Variants in TMTC2 observed in about 807,000 individuals in gnomAD.
TMTC2 encodes the protein transmembrane O-mannosyltransferase targeting cadherins 2, also known as protein O-mannosyl-transferase TMTC2.
TMTC2 carries 43 observed loss-of-function variants against 82.4 expected under a neutral mutation model. The ratio of observed to expected loss-of-function variants is 0.52; its 90% CI spans 0.41 to 0.67. The LOEUF (loss-of-function observed/expected upper bound fraction) is 0.67. Among genes scored for constraint, TMTC2 ranks in the 30% least tolerant of loss-of-function variants. TMTC2 has a pLI of 0.00. For missense variants in TMTC2, 919 were observed against 1,012.4 expected (o/e 0.91, Z 1.25); for synonymous variants, 408 against 381.9 (o/e 1.07, Z -0.80).
rs1428024130 is a variant in TMTC2, at chr12:82,687,154, C to A, written c.-433C>A. The A allele has an allele frequency of 5.8e-6, 1 of 173,420 alleles. No homozygotes were observed. The highest frequency in any genetic ancestry group is 1.2e-5 in the Non-Finnish European group (1 of 80,728). 10.7% of individuals were successfully genotyped at this position (173,420 alleles called of 1,614,324 possible). On this transcript the variant is annotated 5_prime_UTR_variant, in exon 1 of 12. Transcript: ENST00000321196. The stretch of plus-strand genomic sequence containing the variant: ...CTTTCTCTCTCTTCCTCCAGCTGGT[C>A]CCAGAGCCCGGCTTGGTCCGGTCCC...
At chr12:82,966,816 C>A in intron 6 of TMTC2, 103 bp from the exon 7 acceptor site, 1 of 721,706 alleles carries the variant, frequency 1.4e-6, no homozygotes, top group Non-Finnish European at 2.2e-6. Context: ...TTAGAAATAG[C>A]AGTGGATGGT....
intron 10 of TMTC2, 107 bp from the exon 11 acceptor site, chr12:83,061,661 G>T: frequency 2.2e-6 from 2 of 895,952 alleles, no homozygotes; most frequent in Non-Finnish European, 3.2e-6. Context: ...TTTATTGTTT[G>T]GTGTGACCAG....
chr12:82,759,541 G>A (rs1876501084), intron 1 of TMTC2: 1 of 152,184 alleles, frequency 6.6e-6, no homozygotes, highest in African/African-American at 2.4e-5. Flanking sequence ...TCTCTGATGT[G>A]ATTAATTCAT....
At chr12:83,075,276 G>T (rs182931303) in intron 11 of TMTC2, among the ~76,000 whole-genome samples, 1 of 152,274 alleles carries the variant, frequency 6.6e-6, no homozygotes, top group Non-Finnish European at 1.5e-5. Flanking sequence ...GGGTCTGTGG[G>T]TCCTCTCAGG....
chr12:83,047,414 G>A (rs764965115), intron 9 of TMTC2, among the ~76,000 whole-genome samples: 5 of 151,990 alleles, frequency 3.3e-5, no homozygotes, highest in Non-Finnish European at 7.4e-5. Flanking sequence ...ATCAGTTCTC[G>A]GCTATATTTC....
intron 1 of TMTC2, among the ~76,000 whole-genome samples, chr12:82,833,004 G>A (rs1869834558): frequency 6.6e-6 from 1 of 152,188 alleles, no homozygotes; most frequent in African/African-American, 2.4e-5. Flanking sequence ...ATCCAAGATG[G>A]TGTCAGACTA....
chr12:82,942,846 A>G (rs1876793443), intron 4 of TMTC2, among the ~76,000 whole-genome samples: 1 of 149,498 alleles, frequency 6.7e-6, no homozygotes, highest in Admixed American at 6.6e-5. Context: ...TTTTATTTAG[A>G]AAAAAAAACA....
intron 11 of TMTC2, among the ~76,000 whole-genome samples, chr12:83,129,566 A>C (rs920246286): frequency 6.6e-6 from 1 of 152,186 alleles, no homozygotes. Context: ...AGGTCTATTT[A>C]TGTGGCATGA....
rs368129550 is a variant in TMTC2, at chr12:82,890,464, A to C, written c.655-5354A>C. On this transcript the variant is annotated intron_variant, in intron 2 of 11. Coordinates refer to ENST00000321196, the MANE Select transcript of TMTC2 (RefSeq NM_152588.3). ...CAGAGCCTGAGAAGGATAATTATTT[A>C]TGTTTTGTTATGGTTTGCTTGTTTA... 1.0e-3 allele frequency among the ~76,000 whole-genome samples: 155 copies of C among 152,254 alleles called. 5 individuals are homozygous for C. In the South Asian group the frequency reaches 0.031, roughly 30 times the overall value.
chr12:83,121,984 C>G (rs536528400), intron 11 of TMTC2, among the ~76,000 whole-genome samples: 1 of 152,080 alleles, frequency 6.6e-6, no homozygotes, highest in African/African-American at 2.4e-5. Context: ...TCTGAAGGGC[C>G]GGTCTGACTC....
In TMTC2 at chr12:82,918,627, A is replaced by T. The variant is rs546253466; in HGVS notation, c.1484-11804A>T. 3.3e-5 allele frequency among the ~76,000 whole-genome samples: 5 copies of T among 152,318 alleles called. No individual in the cohort carries two copies. In the East Asian group the frequency reaches 9.6e-4, roughly 29 times the overall value. On this transcript the variant is annotated intron_variant, in intron 3 of 11. Coordinates refer to ENST00000321196, the MANE Select transcript of TMTC2 (RefSeq NM_152588.3). ...TGAGATGATAACCCAAAGAGGAGTG[A>T]TTACTTATGCAGACCTGAATGTTAA...
At chr12:82,787,514 C>T (rs919745675) in intron 1 of TMTC2, among the ~76,000 whole-genome samples, 4 of 152,092 alleles carry the variant, frequency 2.6e-5, no homozygotes, top group African/African-American at 9.7e-5. Flanking sequence ...TTCTTAAAAT[C>T]TTTATCCATT....
At chr12:82,856,069 G>A (rs1871248657) in intron 1 of TMTC2, among the ~76,000 whole-genome samples, 1 of 152,208 alleles carries the variant, frequency 6.6e-6, no homozygotes, top group Admixed American at 6.5e-5. Context: ...TCTCACTTGA[G>A]AGATGTAGAG....
intron 11 of TMTC2, among the ~76,000 whole-genome samples, chr12:83,106,429 G>A (rs1366643039): frequency 1.3e-5 from 2 of 150,692 alleles, no homozygotes; most frequent in East Asian, 2.0e-4. Context: ...AACCCAGGAG[G>A]CGGAGGTTGC....
intron 1 of TMTC2, among the ~76,000 whole-genome samples, chr12:82,736,204 T>C (rs933890141): frequency 6.6e-6 from 1 of 152,196 alleles, no homozygotes; most frequent in Admixed American, 6.5e-5. Flanking sequence ...AATATTATTT[T>C]GACTACATCT....
At chr12:82,748,223 A>G (rs548638010) in intron 1 of TMTC2, among the ~76,000 whole-genome samples, 12 of 152,208 alleles carry the variant, frequency 7.9e-5, no homozygotes, top group African/African-American at 2.9e-4. Flanking sequence ...AAGCAGGAGA[A>G]TTGCTTGTAC....
intron 1 of TMTC2, among the ~76,000 whole-genome samples, chr12:82,803,656 A>C (rs549391034): frequency 1.8e-4 from 28 of 152,218 alleles, no homozygotes; most frequent in African/African-American, 5.8e-4. Context: ...TTGAGCATGC[A>C]TACACCTCCA....
chr12:82,846,363 T>TA lies in TMTC2; in HGVS notation c.84-10639dup, dbSNP rs1235006803. ...ACAGAACGAGACTCTGTCTTTTTTTTAAAAAAAACGAAAAACAGGAAAGAT... is the reference window on the plus strand; with the variant it reads ...ACAGAACGAGACTCTGTCTTTTTTTTAAAAAAAAACGAAAAACAGGAAAGAT... On this transcript the variant is annotated intron_variant, in intron 1 of 11. Coordinates refer to ENST00000321196, the MANE Select transcript of TMTC2 (RefSeq NM_152588.3). Among the ~76,000 whole-genome samples, 91 of 151,334 alleles carry TA rather than the reference T, an allele frequency of 6.0e-4. 1 individual carries two copies. Among genetic ancestry groups the TA allele is most frequent in the South Asian group, 1.5e-3 (7 of 4,782 alleles).
intron 8 of TMTC2, among the ~76,000 whole-genome samples, chr12:83,010,875 C>T (rs1250654848): frequency 2.0e-5 from 3 of 152,092 alleles, no homozygotes; most frequent in Non-Finnish European, 4.4e-5. Flanking sequence ...ACTCTTGTCA[C>T]CCAGGCTGGA....
Sources: allele counts gnomAD v4.1 joint callset (sites outside exome capture counted in the v4.1 genomes callset), GRCh38; gene constraint gnomAD v4.1.1; transcripts MANE v1.5; gene names NCBI Gene and HGNC (gene_info 2026-07-23, HGNC 2026-07-21).